CEP85L: variants seen among roughly 807,000 people sequenced by gnomAD.
The protein encoded by CEP85L is centrosomal protein 85L.
Under a neutral mutation model 100.3 loss-of-function variants are expected in CEP85L, and 60 were observed. That is an observed-to-expected ratio of 0.60 (90% confidence interval 0.49 to 0.74). The LOEUF is 0.74. CEP85L is among the 30% of genes least tolerant of loss of function. The pLI, the probability that CEP85L is intolerant of heterozygous loss-of-function variation, is 0.00. For missense variants in CEP85L, 973 were observed against 936.2 expected (o/e 1.04, Z -0.51); for synonymous variants, 319 against 322.7 (o/e 0.99, Z 0.12).
chr6:118,469,382 C>T (rs1040269742), intron 11 of CEP85L, 79 bp from the exon 12 acceptor site: 90 of 1,095,318 alleles, frequency 8.2e-5, no homozygotes, highest in Non-Finnish European at 1.0e-4. Flanking sequence ...TAACATTCTC[C>T]CCCAAGTCTA....
Position 118,615,371 on chromosome 6 carries a change from T to G in CEP85L, c.232+17082A>C, listed in dbSNP as rs1393624306. 2.6e-5 allele frequency among the ~76,000 whole-genome samples: 4 copies of G among 151,428 alleles called. No homozygotes were observed. The East Asian group carries it at 7.7e-4, about 29-fold the overall frequency. On this transcript the variant is annotated intron_variant, in intron 2 of 12. Transcript: ENST00000368491. The stretch of plus-strand genomic sequence containing the variant: ...AGCTTATACAGAAAGGAAAAGAAAC[T>G]AGAAGAGCTAAAACAATTTGAAAAA...
chr6:118,652,697 T>TA (rs1469844805), upstream of CEP85L: 5 of 1,537,016 alleles, frequency 3.3e-6, no homozygotes, highest in Admixed American at 5.9e-5. Context: ...TTCTATCACT[T>TA]ACCACATCCG....
intron 1 of CEP85L, among the ~76,000 whole-genome samples, chr6:118,685,353 T>G (rs182686877): frequency 6.8e-6 from 1 of 148,064 alleles, no homozygotes; most frequent in African/African-American, 2.5e-5. Context: ...CTAACCATTA[T>G]TTCTTGGATT....
chr6:118,537,404 G>A (rs1365421982), intron 3 of CEP85L: 2 of 495,104 alleles, frequency 4.0e-6, no homozygotes, highest in Non-Finnish European at 5.2e-6. Flanking sequence ...GGGAGCACTG[G>A]GAAGGCCTCA....
intron 2 of CEP85L, among the ~76,000 whole-genome samples, chr6:118,581,579 G>T (rs1313521420): frequency 6.6e-6 from 1 of 152,086 alleles, no homozygotes; most frequent in Non-Finnish European, 1.5e-5. Context: ...TACAGCCACA[G>T]GCGGCACATT....
intron 2 of CEP85L, among the ~76,000 whole-genome samples, chr6:118,632,179 C>A (rs554191635): frequency 6.6e-6 from 1 of 152,036 alleles, no homozygotes; most frequent in African/African-American, 2.4e-5. Context: ...TTAGTAGAGA[C>A]GGGATTTCAT....
In CEP85L at chr6:118,470,573, T is replaced by C. The variant is rs1453694561; in HGVS notation, c.1986A>G (p.Glu662=). 3 of 1,606,586 alleles carry C rather than the reference T, an allele frequency of 1.9e-6. No individual in the cohort carries two copies. The highest frequency in any genetic ancestry group is 2.6e-6 in the Non-Finnish European group (3 of 1,176,310). The change falls in exon 11 of 13, where the codon GAA becomes GAG. Residue 662 remains glutamate (E), a synonymous_variant. Transcript: ENST00000368491. Reference sequence around the variant, plus strand: ...CTTTTGTTAATCTCTGTACATTTCTTTCTTTCTTTTCCAGCTCTTCCATCA... The same window carrying C: ...CTTTTGTTAATCTCTGTACATTTCTCTCTTTCTTTTCCAGCTCTTCCATCA... ...QKMMEELEKK[E]RNVQRLTKAL...
chr6:118,635,032 T>A (rs770701266), intron 1 of CEP85L, among the ~76,000 whole-genome samples: 2 of 152,188 alleles, frequency 1.3e-5, no homozygotes, highest in Non-Finnish European at 2.9e-5. Context: ...GAGGGGAATG[T>A]TCGTATATTT....
chr6:118,672,463 T>C (rs1776337602), intron 1 of CEP85L, among the ~76,000 whole-genome samples: 1 of 152,182 alleles, frequency 6.6e-6, no homozygotes, highest in Non-Finnish European at 1.5e-5. Context: ...AATAAGATAC[T>C]TGAATCTTTA....
intron 2 of CEP85L, among the ~76,000 whole-genome samples, chr6:118,608,366 A>G (rs1380058895): frequency 2.6e-5 from 4 of 152,078 alleles, no homozygotes; most frequent in African/African-American, 9.7e-5. Context: ...GTGGTGGCGT[A>G]CGCCTGAAGT....
chr6:118,670,009 C>A lies in CEP85L; in HGVS notation c.-27-17201G>T, dbSNP rs1035274396. ...TGGGAACCAAAGAGTAAAGGGAAGT[C>A]GCAAATAGAATTATGGATGTGGTAA... is the stretch of plus-strand genomic sequence containing the variant. On this transcript the variant is annotated intron_variant, in intron 1 of 13. Coordinates refer to the CEP85L transcript ENST00000368488. 2.0e-5 allele frequency among the ~76,000 whole-genome samples: 3 copies of A among 150,820 alleles called. No homozygotes were observed. The East Asian group carries it at 5.8e-4, about 29-fold the overall frequency.
intron 2 of CEP85L, among the ~76,000 whole-genome samples, chr6:118,616,712 T>C (rs1233453786): frequency 2.0e-5 from 3 of 150,102 alleles, no homozygotes; most frequent in Non-Finnish European, 4.4e-5. Context: ...TTTGGGAGGC[T>C]GAGGCAGGTG....
Position 118,593,664 on chromosome 6 carries a change from G to A in CEP85L, c.233-27348C>T, listed in dbSNP as rs530813158. On this transcript the variant is annotated intron_variant, in intron 2 of 12. Coordinates refer to ENST00000368491, the MANE Select transcript of CEP85L (RefSeq NM_001042475.3). ...TGAGATTGGTGGGGGGAGGGGCAGC[G>A]CATCGCAATAATGCTGTTTAAAAAA... Among the ~76,000 whole-genome samples the A allele has an allele frequency of 8.1e-5, 12 of 148,256 alleles. No homozygotes were observed. In the East Asian group the frequency reaches 1.2e-3, roughly 15 times the overall value.
chr6:118,655,838 C>G (rs149795280), upstream of CEP85L, among the ~76,000 whole-genome samples: 3 of 152,210 alleles, frequency 2.0e-5, no homozygotes, highest in African/African-American at 7.2e-5. Context: ...AACCAGTTAC[C>G]TATTTTATGT....
chr6:118,506,241 TTGGACAGTCTGAACAGG>T lies in CEP85L; in HGVS notation c.1257+5040_1257+5056del, dbSNP rs951485679. Among the ~76,000 whole-genome samples the T allele has an allele frequency of 2.6e-4, 40 of 152,234 alleles. 1 individual carries two copies. The highest frequency in any genetic ancestry group is 9.4e-4 in the African/African-American group (39 of 41,538). On this transcript the variant is annotated intron_variant, in intron 5 of 12. Transcript: ENST00000368491. Reference sequence around the variant, plus strand: ...CAAAAACAGTGACTCAGGAGATAACTTGGACAGTCTGAACAGGTGGTCACAGTGATATTTTAAAACCA... The same window carrying T: ...CAAAAACAGTGACTCAGGAGATAACTTGGTCACAGTGATATTTTAAAACCA...
chr6:118,590,060 C>CACACACAT (rs1781095092), intron 2 of CEP85L, among the ~76,000 whole-genome samples: 1 of 151,624 alleles, frequency 6.6e-6, no homozygotes. Flanking sequence ...CACACACACA[C>CACACACAT]ACACACACAT....
intron 6 of CEP85L, among the ~76,000 whole-genome samples, chr6:118,485,418 T>C (rs530196480): frequency 9.1e-4 from 139 of 152,288 alleles, no homozygotes; most frequent in African/African-American, 3.3e-3. Context: ...AAACTTCATG[T>C]GGAAAAATTA....
intron 5 of CEP85L, chr6:118,502,746 A>T: frequency 1.8e-6 from 1 of 552,286 alleles, no homozygotes; most frequent in Non-Finnish European, 3.4e-6. Flanking sequence ...CATCTTGCTG[A>T]ACAGGTGACC....
rs1297106366 is a variant in CEP85L at position 118,624,084 on chromosome 6, C to T, written c.232+8369G>A. On this transcript the variant is annotated intron_variant, in intron 2 of 12. Transcript: ENST00000368491. ...AAGATCAGCCAGACCAGCCTTGATA[C>T]ACCTGTGACCCACTTGAGGCCCTGC... Among the ~76,000 whole-genome samples the T allele has an allele frequency of 2.0e-5, 3 of 152,166 alleles. No homozygotes were observed. In the East Asian group the frequency reaches 5.8e-4, roughly 29 times the overall value.
Sources: gnomAD v4.1 joint callset for allele counts (sites outside exome capture counted in the v4.1 genomes callset) on GRCh38, gnomAD v4.1.1 for gene constraint, MANE v1.5 for transcripts, NCBI Gene and HGNC (gene_info 2026-07-23, HGNC 2026-07-21) for gene names.